Variants in PPP6R3 observed in about 807,000 individuals in gnomAD.
The protein encoded by PPP6R3 is protein phosphatase 6 regulatory subunit 3.
A neutral mutation model predicts 110.7 loss-of-function variants in PPP6R3; 38 were observed. That is an observed-to-expected ratio of 0.34 (90% CI 0.26 to 0.45). The LOEUF (loss-of-function observed/expected upper bound fraction) is 0.45, where lower values mean the gene tolerates loss of function less well. Ranked by LOEUF, PPP6R3 falls within the 20% of genes least tolerant of loss-of-function variation. The pLI is 1.00. For synonymous variants in PPP6R3, 369 were observed against 373.5 expected (o/e 0.99, Z 0.14); for missense variants, 870 against 1,062.4 (o/e 0.82, Z 2.52).
At chr11:68,490,963 G>A (rs1342834580) in intron 1 of PPP6R3, among the ~76,000 whole-genome samples, 1 of 152,152 alleles carries the variant, frequency 6.6e-6, no homozygotes, top group African/African-American at 2.4e-5. Flanking sequence ...GAGGCAGGCA[G>A]GTTGCTTGAC....
At chr11:68,555,675 C>G (rs1593066988) in intron 7 of PPP6R3, among the ~76,000 whole-genome samples, 1 of 152,204 alleles carries the variant, frequency 6.6e-6, no homozygotes, top group South Asian at 2.1e-4. Flanking sequence ...CATGTGCGCA[C>G]TAGCTTTTAT....
chr11:68,518,018 G>A (rs2099145618), intron 1 of PPP6R3, among the ~76,000 whole-genome samples: 1 of 152,126 alleles, frequency 6.6e-6, no homozygotes, highest in Admixed American at 6.5e-5. Context: ...TGGGGAGAAG[G>A]GAGCATCCCT....
intron 23 of PPP6R3, 122 bp from the exon 24 acceptor site, chr11:68,612,944 C>CTT: frequency 1.3e-6 from 2 of 1,508,336 alleles, no homozygotes; most frequent in East Asian, 2.5e-5. Context: ...TTATTAAAAA[C>CTT]TTACTAAGTT....
At chr11:68,498,906 C>T (rs1257288737) in intron 1 of PPP6R3, among the ~76,000 whole-genome samples, 5 of 152,270 alleles carry the variant, frequency 3.3e-5, no homozygotes, top group Non-Finnish European at 5.9e-5. Flanking sequence ...GCTATTGTAC[C>T]AAATTAGGCT....
At chr11:68,577,775 T>C (rs573189778) in intron 14 of PPP6R3, among the ~76,000 whole-genome samples, 1 of 152,220 alleles carries the variant, frequency 6.6e-6, no homozygotes, top group East Asian at 1.9e-4. Flanking sequence ...TAGAAAAAAA[T>C]TATTTTGGGC....
At chr11:68,511,924 C>T (rs1162021420) in intron 1 of PPP6R3, among the ~76,000 whole-genome samples, 1 of 152,146 alleles carries the variant, frequency 6.6e-6, no homozygotes, top group East Asian at 1.9e-4. Flanking sequence ...CTGGCTCTCC[C>T]ATTCTGTGAC....
At chr11:68,607,657 T>C (rs1198019515) in intron 22 of PPP6R3, among the ~76,000 whole-genome samples, 1 of 152,268 alleles carries the variant, frequency 6.6e-6, no homozygotes, top group Non-Finnish European at 1.5e-5. Context: ...AAATACAGAA[T>C]GTCTTTTTAA....
intron 10 of PPP6R3, among the ~76,000 whole-genome samples, chr11:68,568,587 G>T (rs1159249621): frequency 6.6e-6 from 1 of 152,174 alleles, no homozygotes; most frequent in Middle Eastern, 3.4e-3. Context: ...TCACGTTACT[G>T]CCTCTCGTAT....
At chr11:68,567,314 GT>G in intron 10 of PPP6R3, 148 bp downstream of exon 10, 1 of 880,150 alleles carries the variant, frequency 1.1e-6, no homozygotes, top group Non-Finnish European at 1.6e-6. Flanking sequence ...TTTGCCTTGA[GT>G]TTATTATAAA....
intron 1 of PPP6R3, among the ~76,000 whole-genome samples, chr11:68,469,286 C>T (rs575648182): frequency 1.3e-5 from 2 of 152,326 alleles, no homozygotes; most frequent in Non-Finnish European, 2.9e-5. Context: ...AATGCCTGCT[C>T]TAATCTGTTT....
chr11:68,576,120 A>G, intron 14 of PPP6R3, 77 bp downstream of exon 14: 1 of 1,124,140 alleles, frequency 8.9e-7, no homozygotes, highest in Non-Finnish European at 1.3e-6. Flanking sequence ...GATGTAAAAG[A>G]TCTTCCATTT....
chr11:68,575,435 AGC>A (rs2099526971), intron 13 of PPP6R3, among the ~76,000 whole-genome samples: 1 of 152,206 alleles, frequency 6.6e-6, no homozygotes, highest in African/African-American at 2.4e-5. Context: ...ATGATCTTAG[AGC>A]AATTTGAAAA....
chr11:68,481,853 G>T (rs1403171603), intron 1 of PPP6R3, among the ~76,000 whole-genome samples: 1 of 152,112 alleles, frequency 6.6e-6, no homozygotes, highest in African/African-American at 2.4e-5. Context: ...TTCTTTATAT[G>T]TGTTACTTTT....
chr11:68,476,498 C>A (rs1167342790), intron 1 of PPP6R3, among the ~76,000 whole-genome samples: 1 of 151,858 alleles, frequency 6.6e-6, no homozygotes, highest in Non-Finnish European at 1.5e-5. Flanking sequence ...TATTTAACTT[C>A]TTAAACAGTA....
chr11:68,591,887 G>T (rs1439708665), intron 18 of PPP6R3, among the ~76,000 whole-genome samples, 181 bp downstream of exon 18: 1 of 152,192 alleles, frequency 6.6e-6, no homozygotes, highest in Non-Finnish European at 1.5e-5. Context: ...ACAGTGATCT[G>T]CTGGGAAATG....
intron 1 of PPP6R3, among the ~76,000 whole-genome samples, chr11:68,501,944 T>C (rs1384503211): frequency 2.0e-5 from 3 of 152,206 alleles, no homozygotes; most frequent in Non-Finnish European, 4.4e-5. Flanking sequence ...TGAACCAGTT[T>C]TGTCTGCCTC....
intron 2 of PPP6R3, among the ~76,000 whole-genome samples, chr11:68,521,474 T>G (rs2099163865): frequency 6.6e-6 from 1 of 152,210 alleles, no homozygotes; most frequent in African/African-American, 2.4e-5. Context: ...TACCTTTAGT[T>G]ATTCCTCCTC....
chr11:68,530,373 T>G (rs1409664996), intron 2 of PPP6R3, among the ~76,000 whole-genome samples: 1 of 152,200 alleles, frequency 6.6e-6, no homozygotes, highest in Non-Finnish European at 1.5e-5. Flanking sequence ...TTCTTTGTAG[T>G]GTTCTGTTAA....
At chr11:68,606,477 AGTTT>A (rs1939997660) in intron 22 of PPP6R3, among the ~76,000 whole-genome samples, 1 of 128,666 alleles carries the variant, frequency 7.8e-6, no homozygotes, top group African/African-American at 3.2e-5. Flanking sequence ...AAATTTATGT[AGTTT>A]TTTTTTTTTT....
Sources: gnomAD v4.1 joint callset for allele counts (sites outside exome capture counted in the v4.1 genomes callset) on GRCh38, gnomAD v4.1.1 for gene constraint, MANE v1.5 for transcripts, NCBI Gene and HGNC (gene_info 2026-07-23, HGNC 2026-07-21) for gene names.